Variants in SNTG1 observed in about 807,000 individuals in gnomAD.
SNTG1 encodes the protein syntrophin gamma 1.
A neutral mutation model predicts 74.7 loss-of-function variants in SNTG1; 39 were observed. That is an observed-to-expected ratio of 0.52 (90% CI 0.40 to 0.68). The LOEUF is 0.68. SNTG1 is among the 30% of genes least tolerant of loss of function. The pLI, the probability that SNTG1 is intolerant of heterozygous loss-of-function variation, is 0.00. For synonymous variants in SNTG1, 254 were observed against 217.1 expected (o/e 1.17, Z -1.49); for missense variants, 685 against 609.5 (o/e 1.12, Z -1.30).
intron 2 of SNTG1, among the ~76,000 whole-genome samples, chr8:50,271,159 G>C (rs2087756506): frequency 6.6e-6 from 1 of 152,162 alleles, no homozygotes; most frequent in East Asian, 1.9e-4. Flanking sequence ...GATTATAGAA[G>C]CATGTGAGAA....
At chr8:50,306,041 C>G (rs969787733) in intron 2 of SNTG1, among the ~76,000 whole-genome samples, 3 of 149,278 alleles carry the variant, frequency 2.0e-5, no homozygotes, top group African/African-American at 7.5e-5. Context: ...TTATCCCTAC[C>G]CCCCTCCCAC....
intron 1 of SNTG1, among the ~76,000 whole-genome samples, chr8:50,042,060 A>T (rs527810291): frequency 6.6e-6 from 1 of 152,318 alleles, no homozygotes; most frequent in African/African-American, 2.4e-5. Flanking sequence ...TAAAGCTAAA[A>T]AACTGTGAGT....
chr8:50,192,542 G>T (rs935682874), intron 2 of SNTG1, among the ~76,000 whole-genome samples: 2 of 152,160 alleles, frequency 1.3e-5, no homozygotes, highest in South Asian at 4.1e-4. Flanking sequence ...GTTGTAGATT[G>T]TGGATATTAG....
chr8:50,185,995 ACC>A (rs983812670), intron 2 of SNTG1, among the ~76,000 whole-genome samples: 1 of 151,710 alleles, frequency 6.6e-6, no homozygotes, highest in African/African-American at 2.4e-5. Flanking sequence ...TGCTCTCCAT[ACC>A]CTAGACTCCC....
chr8:50,242,604 T>A (rs1357562225), intron 2 of SNTG1, among the ~76,000 whole-genome samples: 5 of 151,500 alleles, frequency 3.3e-5, no homozygotes, highest in Non-Finnish European at 5.9e-5. Context: ...TGTATATTGA[T>A]GTGAAGCCCC....
chr8:50,644,268 G>C (rs1247878804), intron 13 of SNTG1: 1 of 152,134 alleles, frequency 6.6e-6, no homozygotes, highest in Non-Finnish European at 1.5e-5. Context: ...GTTGACCCTT[G>C]AACACTTGAA....
chr8:50,366,337 C>A (rs940578603), intron 2 of SNTG1, among the ~76,000 whole-genome samples: 1 of 152,160 alleles, frequency 6.6e-6, no homozygotes, highest in Non-Finnish European at 1.5e-5. Flanking sequence ...TGCATCTTTA[C>A]CCAATAGCCT....
intron 1 of SNTG1, among the ~76,000 whole-genome samples, chr8:50,112,645 T>G (rs2080644385): frequency 6.6e-6 from 1 of 150,794 alleles, no homozygotes; most frequent in Non-Finnish European, 1.5e-5. Flanking sequence ...GCCTCAGGCT[T>G]CCGAGTAGCT....
chr8:50,591,016 G>C, intron 13 of SNTG1, 99 bp downstream of exon 13: 1 of 766,952 alleles, frequency 1.3e-6, no homozygotes, highest in Non-Finnish European at 2.0e-6. Context: ...GAAATAATTG[G>C]TACTGTCATT....
In SNTG1 at chr8:50,293,404, T is replaced by TTTTTTTTTTTTC. The variant is rs1491559076; in HGVS notation, c.-27-100797_-27-100796insCTTTTTTTTTTT. On this transcript the variant is annotated intron_variant, in intron 2 of 18. Transcript: ENST00000642720. Reference sequence around the variant, plus strand: ...ATTAGGGCCCACCTTAGTAGGCTTCTTTTTTTTTTTTTCTTTTTTTTTTTA... The same window carrying TTTTTTTTTTTTC: ...ATTAGGGCCCACCTTAGTAGGCTTCTTTTTTTTTTTTCTTTTTTTTTTTTCTTTTTTTTTTTA... 2.7e-3 allele frequency among the ~76,000 whole-genome samples: 22 copies of TTTTTTTTTTTTC among 8,068 alleles called. No individual in the cohort carries two copies. The South Asian group carries it at 0.31, about 112-fold the overall frequency. 5.3% of individuals were successfully genotyped at this position (8,068 alleles called of 152,430 possible).
intron 2 of SNTG1, among the ~76,000 whole-genome samples, chr8:50,330,579 C>T (rs902800126): frequency 2.0e-5 from 3 of 152,212 alleles, no homozygotes; most frequent in Admixed American, 1.3e-4. Flanking sequence ...ATCTTTACAG[C>T]AGTACCCCAC....
At chr8:50,049,432 C>G (rs554205508) in intron 1 of SNTG1, among the ~76,000 whole-genome samples, 1 of 152,170 alleles carries the variant, frequency 6.6e-6, no homozygotes, top group East Asian at 1.9e-4. Flanking sequence ...TGGATTGATT[C>G]ATCAGAAGTC....
chr8:50,277,202 G>A (rs1467374738), intron 2 of SNTG1, among the ~76,000 whole-genome samples: 1 of 145,452 alleles, frequency 6.9e-6, no homozygotes, highest in African/African-American at 2.5e-5. Flanking sequence ...AGGAAATCAA[G>A]GATACAGTGA....
intron 2 of SNTG1, among the ~76,000 whole-genome samples, chr8:50,363,857 C>T (rs2092033447): frequency 6.6e-6 from 1 of 152,120 alleles, no homozygotes; most frequent in Non-Finnish European, 1.5e-5. Flanking sequence ...ATAGCCTTCT[C>T]TCTAAAGGTT....
Position 50,122,460 on chromosome 8 carries a change from CA to C in SNTG1, c.-102-50093del, listed in dbSNP as rs963882145. Among the ~76,000 whole-genome samples the C allele has an allele frequency of 5.0e-5, 7 of 139,578 alleles. 2 individuals are homozygous for C. Among genetic ancestry groups the C allele is most frequent in the African/African-American group, 1.8e-4 (7 of 38,578 alleles). 91.6% of individuals were successfully genotyped at this position (139,578 alleles called of 152,430 possible). ...GCTGAGCACTGCACAAGAAGTAGGT[CA>C]AAAAAAAGCTGTGACTGCACTCAGC... On this transcript the variant is annotated intron_variant, in intron 1 of 18. Coordinates refer to ENST00000642720, the MANE Select transcript of SNTG1 (RefSeq NM_018967.5).
chr8:50,567,041 G>C (rs1480459091), intron 12 of SNTG1, among the ~76,000 whole-genome samples: 3 of 151,988 alleles, frequency 2.0e-5, no homozygotes, highest in Non-Finnish European at 2.9e-5. Flanking sequence ...TTGTATAAGA[G>C]TTTACACATC....
chr8:50,042,892 T>A (rs967656975), intron 1 of SNTG1, among the ~76,000 whole-genome samples: 1 of 152,338 alleles, frequency 6.6e-6, no homozygotes, highest in Admixed American at 6.5e-5. Context: ...CTATGGCTCG[T>A]TGCCAATTTT....
chr8:50,377,356 TTTCAAG>T lies in SNTG1; in HGVS notation c.-27-16852_-27-16847del, dbSNP rs2092406306. ...GAAAGTTTAACAACTTCGTACATAA[TTTCAAG>T]TTCTTTATTCATTTTTTAGATTTGA... is the stretch of plus-strand genomic sequence containing the variant. On this transcript the variant is annotated intron_variant, in intron 2 of 18. Transcript: ENST00000642720. Among the ~76,000 whole-genome samples the T allele has an allele frequency of 2.6e-5, 4 of 152,346 alleles. No homozygotes were observed. The South Asian group carries it at 8.3e-4, about 32-fold the overall frequency.
chr8:50,432,367 A>G (rs114158763), intron 4 of SNTG1, among the ~76,000 whole-genome samples: 30 of 151,656 alleles, frequency 2.0e-4, no homozygotes, highest in African/African-American at 7.0e-4. Flanking sequence ...GTTCTGTACC[A>G]GTGGTCTAAA....
Sources: gnomAD v4.1 joint callset for allele counts (sites outside exome capture counted in the v4.1 genomes callset) on GRCh38, gnomAD v4.1.1 for gene constraint, MANE v1.5 for transcripts, NCBI Gene and HGNC (gene_info 2026-07-23, HGNC 2026-07-21) for gene names.